CACNA1E: variants seen among roughly 807,000 people sequenced by gnomAD.
CACNA1E encodes the protein calcium voltage-gated channel subunit alpha1 E.
A neutral mutation model predicts 259.2 loss-of-function variants in CACNA1E; 40 were observed. That is an observed-to-expected ratio of 0.15 (90% CI 0.12 to 0.20). CACNA1E has a LOEUF of 0.20. Among genes scored for constraint, CACNA1E ranks in the 10% least tolerant of loss-of-function variants. The pLI is 1.00. For missense variants in CACNA1E, 1,874 were observed against 3,040.1 expected (o/e 0.62, Z 9.02); for synonymous variants, 1,104 against 1,138.5 (o/e 0.97, Z 0.61).
At position 181,798,563 on chromosome 1, in the gene CACNA1E, C is replaced by A; in HGVS notation, c.6671C>A (p.Pro2224Gln). The A allele has an allele frequency of 6.2e-7, 1 of 1,613,754 alleles. No homozygotes were observed. The highest frequency in any genetic ancestry group is 8.5e-7 in the Non-Finnish European group (1 of 1,179,898). ...CCCCAGCAGAGCCAACATGCCTCCC[C>A]ACAGCGCTACATCTCCGAGCCCTAC... ...PHPQQSQHASPQRYISEPYLA... is the reference protein window; with the variant it reads ...PHPQQSQHASQQRYISEPYLA... Residue 2224 changes from proline to glutamine, a missense_variant, in exon 48 of 48, where the codon CCA becomes CAA. By Grantham distance (76) the Pro-to-Gln change is moderately conservative. Coordinates refer to ENST00000367573, the MANE Select transcript of CACNA1E (RefSeq NM_001205293.3). This position sits in a 1 kb window ranked among gnomAD's most constrained non-coding sequence, Gnocchi z 4.2.
At chr1:181,516,343 C>CCACACACACACACA (rs3080529) in intron 3 of CACNA1E, among the ~76,000 whole-genome samples, 123 of 143,432 alleles carry the variant, frequency 8.6e-4, no homozygotes, top group African/African-American at 2.8e-3. Flanking sequence ...GTGCCAAAGA[C>CCACACACACACACA]CACACACACA....
intron 1 of CACNA1E, among the ~76,000 whole-genome samples, chr1:181,342,721 TAC>T (rs1169970832): frequency 6.6e-6 from 1 of 152,146 alleles, no homozygotes; most frequent in Non-Finnish European, 1.5e-5. Flanking sequence ...AAGAAGTGCT[TAC>T]CTCGAAAGCG....
intron 3 of CACNA1E, among the ~76,000 whole-genome samples, chr1:181,523,505 A>G (rs1313911320): frequency 1.3e-5 from 2 of 152,220 alleles, no homozygotes; most frequent in African/African-American, 4.8e-5. Flanking sequence ...ACCTGAATTC[A>G]TATCTTTGCT....
At chr1:181,585,837 G>A (rs554126546) in intron 6 of CACNA1E, among the ~76,000 whole-genome samples, 7 of 152,312 alleles carry the variant, frequency 4.6e-5, no homozygotes, top group African/African-American at 1.4e-4. Flanking sequence ...GCGGAAAGTA[G>A]GAGATGGAAT....
In CACNA1E at chr1:181,715,443, G is replaced by A. The variant is rs370112728; in HGVS notation, c.1225+52G>A. Reference sequence around the variant, plus strand: ...CCAGTTGCATTTGCCCCTCTTAGGCGATGGCAATCTCTGTTATTCAAAAGG... The same window carrying A: ...CCAGTTGCATTTGCCCCTCTTAGGCAATGGCAATCTCTGTTATTCAAAAGG... On this transcript the variant is annotated intron_variant, in intron 9 of 47. Coordinates refer to ENST00000367573, the MANE Select transcript of CACNA1E (RefSeq NM_001205293.3). 1.0e-3 allele frequency: 980 copies of A among 978,354 alleles called. 2 individuals are homozygous for A. The highest frequency in any genetic ancestry group is 1.4e-3 in the Non-Finnish European group (880 of 616,602). The allele number at this position is 978,354 out of a possible 1,614,324, so 60.6% of individuals were successfully genotyped here.
intron 32 of CACNA1E, 147 bp from the exon 33 acceptor site, chr1:181,762,427 A>G (rs532977169): frequency 8.2e-6 from 5 of 608,634 alleles, no homozygotes; most frequent in African/African-American, 7.7e-5. Context: ...GAAATGGGAA[A>G]CTGAAGCCAA....
intron 1 of CACNA1E, among the ~76,000 whole-genome samples, chr1:181,349,712 G>A (rs1429423091): frequency 6.6e-6 from 1 of 152,076 alleles, no homozygotes; most frequent in African/African-American, 2.4e-5. Context: ...AGGACTCCAG[G>A]CTGCATAGGG....
At chr1:181,525,730 A>G (rs1667303442) in intron 3 of CACNA1E, among the ~76,000 whole-genome samples, 1 of 152,258 alleles carries the variant, frequency 6.6e-6, no homozygotes, top group South Asian at 2.1e-4. Context: ...GTGCAACTAC[A>G]ACAAATAGAG....
At position 181,794,916 on chromosome 1, in the gene CACNA1E, A is replaced by G; in HGVS notation, c.6080A>G (p.Lys2027Arg). ...MRRSFSTIRD[K>R]RSNSSWLEEF... ...CGTTCATTTTCCACTATTCGGGATA[A>G]GCGTTCAAATTCCTCGTGGTTGGAG... The change falls in exon 46 of 48, where the codon AAG becomes AGG. Residue 2027 changes from lysine (K) to arginine (R), a missense_variant. Lys to Arg is a conservative substitution (Grantham distance 26, BLOSUM62 2). Transcript: ENST00000367573. The G allele has an allele frequency of 6.2e-7, 1 of 1,613,908 alleles. No individual in the cohort carries two copies. The highest frequency in any genetic ancestry group is 2.2e-5 in the East Asian group (1 of 44,874).
chr1:181,421,002 AAAC>A lies in CACNA1E; in HGVS notation c.434+7436_434+7438del, dbSNP rs3051714. 5.5e-3 allele frequency among the ~76,000 whole-genome samples: 842 copies of A among 152,256 alleles called. 8 individuals are homozygous for A. The highest frequency in any genetic ancestry group is 0.018 in the African/African-American group (754 of 41,552). On this transcript the variant is annotated intron_variant, in intron 2 of 11. Transcript: ENST00000524607. The stretch of plus-strand genomic sequence containing the variant: ...CACTCAGTAGACATTTGCAGATGAA[AAAC>A]AACAACAACAACAGCAACAACATGA...
intron 6 of CACNA1E, among the ~76,000 whole-genome samples, chr1:181,627,379 G>A (rs965482617): frequency 1.3e-5 from 2 of 152,204 alleles, no homozygotes; most frequent in African/African-American, 4.8e-5. Context: ...CTTGGGAAGA[G>A]GAAATGGTAC....
At chr1:181,757,750 C>T (rs889869233) in intron 30 of CACNA1E, among the ~76,000 whole-genome samples, 197 bp from the exon 31 acceptor site, 4 of 152,120 alleles carry the variant, frequency 2.6e-5, no homozygotes, top group African/African-American at 9.7e-5. Context: ...CATGTGGCAA[C>T]ACCTCCAGTT....
intron 2 of CACNA1E, among the ~76,000 whole-genome samples, chr1:181,417,029 T>C (rs1658323220): frequency 1.3e-5 from 2 of 152,140 alleles, no homozygotes; most frequent in Admixed American, 6.5e-5. Context: ...CTCACCTCCA[T>C]GGTCTGCCTG....
chr1:181,519,468 A>C (rs1666836194), intron 3 of CACNA1E, among the ~76,000 whole-genome samples: 1 of 152,222 alleles, frequency 6.6e-6, no homozygotes, highest in Non-Finnish European at 1.5e-5. Flanking sequence ...AAATGAGGGC[A>C]TGCTGGTTTA....
chr1:181,599,945 G>A (rs974305959), intron 6 of CACNA1E, among the ~76,000 whole-genome samples: 7 of 152,196 alleles, frequency 4.6e-5, no homozygotes, highest in Non-Finnish European at 7.3e-5. Context: ...CCTGGAATTC[G>A]TATTATAGTG....
intron 37 of CACNA1E, among the ~76,000 whole-genome samples, chr1:181,773,942 GA>G (rs1659743755): frequency 6.6e-6 from 1 of 152,172 alleles, no homozygotes; most frequent in Non-Finnish European, 1.5e-5. Flanking sequence ...TCTGCTTTCA[GA>G]TCTATATGAG....
chr1:181,511,607 A>T (rs772304549), intron 3 of CACNA1E, 97 bp downstream of exon 3: 7 of 1,379,354 alleles, frequency 5.1e-6, no homozygotes, highest in Non-Finnish European at 7.1e-6. Flanking sequence ...AAAGACAGCA[A>T]TCTGTAGAGT....
chr1:181,637,346 GA>G (rs1031350016), intron 6 of CACNA1E, among the ~76,000 whole-genome samples: 1 of 151,550 alleles, frequency 6.6e-6, no homozygotes, highest in African/African-American at 2.4e-5. Flanking sequence ...TTAGTGGTGG[GA>G]AAAAAAACAC....
At chr1:181,457,994 G>A (rs935550552) in intron 2 of CACNA1E, among the ~76,000 whole-genome samples, 1 of 152,208 alleles carries the variant, frequency 6.6e-6, no homozygotes, top group African/African-American at 2.4e-5. Context: ...TTCCACACAA[G>A]GTCTAAGTCC....
Sources: allele counts gnomAD v4.1 joint callset (sites outside exome capture counted in the v4.1 genomes callset), GRCh38; gene constraint gnomAD v4.1.1; non-coding constraint Gnocchi (gnomAD v3.1); transcripts MANE v1.5; gene names NCBI Gene and HGNC (gene_info 2026-07-23, HGNC 2026-07-21).